WHR1: variants seen among roughly 807,000 people sequenced by gnomAD.
WHR1 encodes the protein MHC class III HLA-RP1.
chr6:31,980,141 G>A, the WHR1 span: 1 of 372,946 alleles, frequency 2.7e-6, no homozygotes, highest in African/African-American at 2.0e-5. Flanking sequence ...TCCTCTCCTC[G>A]GTCCTAAGAC....
chr6:31,972,032 C>G, the WHR1 span: 2 of 1,609,872 alleles, frequency 1.2e-6, no homozygotes, highest in Non-Finnish European at 1.7e-6. The surrounding 1 kb of genome is among the most constrained non-coding windows in gnomAD (Gnocchi z 6.3). Context: ...ATGATGCAAT[C>G]ATTCAGCGAC....
chr6:31,976,920 TGCAATCGCAG>T, the WHR1 span, among the ~76,000 whole-genome samples: 1 of 152,190 alleles, frequency 6.6e-6, no homozygotes, highest in Non-Finnish European at 1.5e-5. Flanking sequence ...GGCGCGCGCC[TGCAATCGCAG>T]GCACTCGGCA....
chr6:31,976,004 C>T, the WHR1 span, among the ~76,000 whole-genome samples: 1 of 149,334 alleles, frequency 6.7e-6, no homozygotes, highest in African/African-American at 2.5e-5. Context: ...CGCCCCTCAC[C>T]TCCCGGACGA....
the WHR1 span, chr6:31,971,667 G>A: frequency 1.2e-6 from 2 of 1,604,874 alleles, no homozygotes; most frequent in Non-Finnish European, 1.7e-6. The surrounding 1 kb of genome is among the most constrained non-coding windows in gnomAD (Gnocchi z 4.5). Context: ...TGGTCCCCCT[G>A]GGATCCATGA....
the WHR1 span, chr6:31,972,741 T>C: frequency 6.2e-7 from 1 of 1,612,806 alleles, no homozygotes; most frequent in Non-Finnish European, 8.5e-7. The surrounding 1 kb of genome is among the most constrained non-coding windows in gnomAD (Gnocchi z 6.3). Flanking sequence ...GACAGGACCG[T>C]GGCCGACCGG....
At chr6:31,977,671 A>C in the WHR1 span, among the ~76,000 whole-genome samples, 1 of 148,744 alleles carries the variant, frequency 6.7e-6, no homozygotes, top group African/African-American at 2.5e-5. Context: ...TTTAATGGAG[A>C]CCGGGTTTCA....
At chr6:31,971,452 G>T in the WHR1 span, 1 of 1,613,838 alleles carries the variant, frequency 6.2e-7, no homozygotes, top group East Asian at 2.2e-5. The surrounding 1 kb of genome is among the most constrained non-coding windows in gnomAD (Gnocchi z 4.5). Flanking sequence ...TGGACCGTTA[G>T]TGGGGGGTGG....
the WHR1 span, chr6:31,980,142 G>T: frequency 2.5e-6 from 1 of 401,246 alleles, no homozygotes; most frequent in Non-Finnish European, 4.5e-6. Context: ...CCTCTCCTCG[G>T]TCCTAAGACC....
chr6:31,973,518 T>A, the WHR1 span: 1 of 157,722 alleles, frequency 6.3e-6, no homozygotes, highest in Non-Finnish European at 1.4e-5. Context: ...GAGGAGTGAT[T>A]TCTAACCTTT....
At chr6:31,972,521 G>C in the WHR1 span, 390 of 1,602,810 alleles carry the variant, frequency 2.4e-4, no homozygotes, top group African/African-American at 4.3e-3. This position sits in a 1 kb window ranked among gnomAD's most constrained non-coding sequence, Gnocchi z 6.3. Flanking sequence ...GGTAACCATG[G>C]CAACCCCGGG....
the WHR1 span, among the ~76,000 whole-genome samples, chr6:31,976,604 C>T: frequency 1.3e-5 from 2 of 150,864 alleles, no homozygotes; most frequent in Non-Finnish European, 3.0e-5. Flanking sequence ...AGACGATGGG[C>T]GGCCAGGCAG....
At chr6:31,974,279 CAAA>C in the WHR1 span, among the ~76,000 whole-genome samples, 221 of 118,538 alleles carry the variant, frequency 1.9e-3, no homozygotes, top group East Asian at 8.1e-3. Context: ...GACTTTGTCT[CAAA>C]AAAAAAAAAA....
At chr6:31,979,314 T>C in the WHR1 span, 2 of 1,514,934 alleles carry the variant, frequency 1.3e-6, no homozygotes, top group South Asian at 2.5e-5. Context: ...TGGAAGGATC[T>C]GAGCAAGAGG....
the WHR1 span, among the ~76,000 whole-genome samples, chr6:31,974,145 G>T: frequency 6.6e-6 from 1 of 151,968 alleles, no homozygotes; most frequent in South Asian, 2.1e-4. Flanking sequence ...TTAGCCAGGC[G>T]TGGTGGTACG....
chr6:31,979,647 C>A, the WHR1 span: 5 of 1,513,088 alleles, frequency 3.3e-6, no homozygotes, highest in African/African-American at 1.4e-5. Flanking sequence ...TTTTGGTGAA[C>A]CTGCCAGAAA....
chr6:31,972,640 C>T, the WHR1 span: 6 of 1,613,046 alleles, frequency 3.7e-6, no homozygotes, highest in Non-Finnish European at 4.2e-6. The surrounding 1 kb of genome is among the most constrained non-coding windows in gnomAD (Gnocchi z 6.3). Flanking sequence ...GCGCGGCTGT[C>T]TCAGAACTCA....
chr6:31,971,631 T>C, the WHR1 span: 1 of 1,611,674 alleles, frequency 6.2e-7, no homozygotes, highest in South Asian at 1.1e-5. The surrounding 1 kb of genome is among the most constrained non-coding windows in gnomAD (Gnocchi z 4.5). Context: ...GAGGCTCAGC[T>C]ACCTCTGTCT....
At chr6:31,980,187 A>G in the WHR1 span, 1 of 479,670 alleles carries the variant, frequency 2.1e-6, no homozygotes, top group African/African-American at 1.9e-5. Flanking sequence ...AGGGAAGAGA[A>G]GCTATTTAAC....
chr6:31,980,480 TC>T, the WHR1 span: 1 of 1,613,124 alleles, frequency 6.2e-7, no homozygotes, highest in Non-Finnish European at 8.5e-7. Context: ...GTCCTCACCG[TC>T]CGAGATGCTG....
Sources: gnomAD v4.1 joint callset for allele counts (sites outside exome capture counted in the v4.1 genomes callset) on GRCh38, gnomAD v4.1.1 for gene constraint, Gnocchi (gnomAD v3.1) non-coding constraint, MANE v1.5 for transcripts, NCBI Gene and HGNC (gene_info 2026-07-23, HGNC 2026-07-21) for gene names.